Variants in RAB27B observed in about 807,000 individuals in gnomAD.
The protein encoded by RAB27B is ras-related protein Rab-27B.
In RAB27B, 15 loss-of-function variants were observed where a neutral mutation model predicts 24.6. The observed-to-expected ratio is 0.61, with a 90% confidence interval of 0.41 to 0.94. The LOEUF is 0.94. Ranked by LOEUF, RAB27B falls within the 40% of genes least tolerant of loss-of-function variation. The pLI, the probability that RAB27B is intolerant of heterozygous loss-of-function variation, is 0.00. For missense variants in RAB27B, 261 were observed against 266.8 expected (o/e 0.98, Z 0.15); for synonymous variants, 105 against 92.5 (o/e 1.14, Z -0.78).
intron 1 of RAB27B, among the ~76,000 whole-genome samples, chr18:54,831,015 A>G (rs1378102803): frequency 6.6e-6 from 1 of 152,202 alleles, no homozygotes; most frequent in African/African-American, 2.4e-5. Context: ...ACAGAAGTGG[A>G]CCAAAATTCC....
At chr18:54,756,575 A>G (rs759766281) in intron 2 of RAB27B, among the ~76,000 whole-genome samples, 3 of 152,132 alleles carry the variant, frequency 2.0e-5, no homozygotes, top group Non-Finnish European at 4.4e-5. Flanking sequence ...GAAGAATACC[A>G]CAGAGCTGGT....
chr18:54,763,159 T>C (rs1833304), intron 2 of RAB27B, among the ~76,000 whole-genome samples: 70,218 of 151,918 alleles, frequency 0.46, 17,716 homozygotes, highest in Middle Eastern at 0.59. Flanking sequence ...AAATAAATAA[T>C]ATAGACAAAA....
At chr18:54,768,095 G>A (rs1010664976) in intron 2 of RAB27B, among the ~76,000 whole-genome samples, 4 of 152,094 alleles carry the variant, frequency 2.6e-5, no homozygotes, top group African/African-American at 9.7e-5. Context: ...AAGATGTGGG[G>A]GGAGTGGATG....
upstream of RAB27B, among the ~76,000 whole-genome samples, chr18:54,827,912 A>G (rs978298304): frequency 1.3e-5 from 2 of 152,190 alleles, no homozygotes; most frequent in African/African-American, 4.8e-5. Flanking sequence ...TACTGGTTCA[A>G]TGCCTCCGTG....
chr18:54,734,774 C>G (rs918137645), intron 2 of RAB27B, among the ~76,000 whole-genome samples: 6 of 152,132 alleles, frequency 3.9e-5, no homozygotes, highest in African/African-American at 1.4e-4. Flanking sequence ...AGCCACCAAA[C>G]AAACCTAAGT....
chr18:54,829,733 G>A (rs1910603544), intron 1 of RAB27B, among the ~76,000 whole-genome samples: 1 of 152,144 alleles, frequency 6.6e-6, no homozygotes, highest in Admixed American at 6.5e-5. Flanking sequence ...TATAAACTCA[G>A]ATATTTAAGT....
In RAB27B at chr18:54,726,490, C is replaced by T. The variant is rs549537983; in HGVS notation, c.-20+8349C>T. ...TGAACATCTATCACACAGACTCCATCACTGTTCTTCCTGTTCGCTAACATT... is the reference window on the plus strand; with the variant it reads ...TGAACATCTATCACACAGACTCCATTACTGTTCTTCCTGTTCGCTAACATT... On this transcript the variant is annotated intron_variant, in intron 2 of 4. Coordinates refer to the RAB27B transcript ENST00000586570. Among the ~76,000 whole-genome samples the T allele has an allele frequency of 1.8e-4, 28 of 151,638 alleles. 1 individual carries two copies. In the East Asian group the frequency reaches 5.4e-3, roughly 29 times the overall value.
At chr18:54,849,905 G>A (rs972927262) in intron 1 of RAB27B, among the ~76,000 whole-genome samples, 1 of 152,124 alleles carries the variant, frequency 6.6e-6, no homozygotes, top group Non-Finnish European at 1.5e-5. Flanking sequence ...GCATTCAGCT[G>A]TTCTCTGGTA....
At chr18:54,784,542 C>T (rs1304775501) in intron 2 of RAB27B, among the ~76,000 whole-genome samples, 2 of 152,182 alleles carry the variant, frequency 1.3e-5, no homozygotes, top group Non-Finnish European at 2.9e-5. Context: ...TTAACTCCCG[C>T]TTGTAAGTGA....
chr18:54,811,012 G>A lies in RAB27B; in HGVS notation c.-19-66555G>A, dbSNP rs547378165. Among the ~76,000 whole-genome samples the A allele has an allele frequency of 2.4e-3, 363 of 151,882 alleles. 1 individual carries two copies. Among genetic ancestry groups the A allele is most frequent in the African/African-American group, 8.4e-3 (346 of 41,414 alleles). On this transcript the variant is annotated intron_variant, in intron 2 of 4. Coordinates refer to the RAB27B transcript ENST00000586570. Reference sequence around the variant, plus strand: ...ATCTAGTCCATTATTATTGGTTCTCGATAAATGTTACCTGAAACGAATACA... The same window carrying A: ...ATCTAGTCCATTATTATTGGTTCTCAATAAATGTTACCTGAAACGAATACA...
At chr18:54,887,073 C>G (rs75346906) in intron 4 of RAB27B, among the ~76,000 whole-genome samples, 441 of 134,980 alleles carry the variant, frequency 3.3e-3, no homozygotes, top group Non-Finnish European at 5.6e-3. Context: ...CCTCCCTCCT[C>G]TTTCTCTCTC....
rs1267866732 is a variant in RAB27B at position 54,895,032 on chromosome 18, A to G, written c.*5619A>G. The G allele has an allele frequency of 1.3e-5, 2 of 152,072 alleles. No individual in the cohort carries two copies. The highest frequency in any genetic ancestry group is 6.6e-5 in the Admixed American group (1 of 15,252). 9.4% of individuals were successfully genotyped at this position (152,072 alleles called of 1,614,324 possible). On this transcript the variant is annotated 3_prime_UTR_variant, in exon 6 of 6. Coordinates refer to ENST00000262094, the MANE Select transcript of RAB27B (RefSeq NM_004163.4). The stretch of plus-strand genomic sequence containing the variant: ...TATTACAAGTTGGTCAAAATATTCC[A>G]TGTACAAATAGGGCTTCTGTGTCCA...
At chr18:54,882,678 G>C (rs951385384) in intron 3 of RAB27B, among the ~76,000 whole-genome samples, 1 of 152,198 alleles carries the variant, frequency 6.6e-6, no homozygotes, top group Non-Finnish European at 1.5e-5. Context: ...ACCAGCATGT[G>C]TGAAAGCCCA....
At chr18:54,722,182 T>C (rs1909380115) in intron 2 of RAB27B, among the ~76,000 whole-genome samples, 1 of 152,212 alleles carries the variant, frequency 6.6e-6, no homozygotes, top group Non-Finnish European at 1.5e-5. Flanking sequence ...TTGATTGTTT[T>C]ACCACTCCTG....
chr18:54,755,476 T>C lies in RAB27B; in HGVS notation c.-20+37335T>C, dbSNP rs113430243. On this transcript the variant is annotated intron_variant, in intron 2 of 4. Coordinates refer to the RAB27B transcript ENST00000586570. ...AAAATAGTTTCTCTGTGGCATCAGG[T>C]TTAAGGGAGAGTCTCTAGAATTCTT... Among the ~76,000 whole-genome samples, 483 of 152,202 alleles carry C rather than the reference T, an allele frequency of 3.2e-3. 2 individuals carry two copies. Among genetic ancestry groups the C allele is most frequent in the African/African-American group, 0.011 (466 of 41,536 alleles).
chr18:54,884,738 C>T (rs1913063811), intron 4 of RAB27B, among the ~76,000 whole-genome samples: 2 of 152,102 alleles, frequency 1.3e-5, no homozygotes, highest in African/African-American at 4.8e-5. Flanking sequence ...CCATTGATTC[C>T]ACTTTTCCAG....
Position 54,777,043 on chromosome 18 carries a change from CA to C in RAB27B, c.-20+58911del, listed in dbSNP as rs11412442. ...TGGGTGACAAAACAAGTCTTGGTCT[CA>C]AAAAAAAATTAAAATAATAAATAAA... On this transcript the variant is annotated intron_variant, in intron 2 of 4. Coordinates refer to the RAB27B transcript ENST00000586570. Among the ~76,000 whole-genome samples the C allele has an allele frequency of 1.2e-3, 184 of 150,190 alleles. 1 individual carries two copies. In the South Asian group the frequency reaches 0.022, roughly 18 times the overall value.
Position 54,889,519 on chromosome 18 carries a change from C to T in RAB27B, c.*106C>T. 2 of 1,004,574 alleles carry T rather than the reference C, an allele frequency of 2.0e-6. No individual in the cohort carries two copies. Among genetic ancestry groups the T allele is most frequent in the Middle Eastern group, 2.7e-4 (1 of 3,710 alleles). The allele number at this position is 1,004,574 out of a possible 1,614,324, so 62.2% of individuals were successfully genotyped here. ...GAGTAAACCACGCACAATGGCATGT[C>T]TTTCTTTTTCTGCCAGAAAATCTAT... On this transcript the variant is annotated 3_prime_UTR_variant, in exon 6 of 6. Transcript: ENST00000262094.
At chr18:54,819,015 C>T (rs1053411615) in intron 2 of RAB27B, among the ~76,000 whole-genome samples, 1 of 151,528 alleles carries the variant, frequency 6.6e-6, no homozygotes, top group Non-Finnish European at 1.5e-5. Flanking sequence ...GCAATGAAAT[C>T]TGTAGCTAAA....
Sources: allele counts gnomAD v4.1 joint callset (sites outside exome capture counted in the v4.1 genomes callset), GRCh38; gene constraint gnomAD v4.1.1; transcripts MANE v1.5; gene names NCBI Gene and HGNC (gene_info 2026-07-23, HGNC 2026-07-21).